DTL: variants seen among roughly 807,000 people sequenced by gnomAD.
The protein encoded by DTL is denticleless E3 ubiquitin protein ligase adapter.
A neutral mutation model predicts 87.0 loss-of-function variants in DTL; 46 were observed. That is an observed-to-expected ratio of 0.53 (90% confidence interval 0.42 to 0.68). The LOEUF (loss-of-function observed/expected upper bound fraction) is 0.68, where lower values mean the gene tolerates loss of function less well. Among genes scored for constraint, DTL ranks in the 30% least tolerant of loss-of-function variants. DTL has a pLI of 0.00. For missense variants in DTL, 737 were observed against 869.4 expected, an observed-to-expected ratio of 0.85 and a Z score of 1.91; for synonymous variants, 308 against 311.2, an observed-to-expected ratio of 0.99 and a Z score of 0.11.
chr1:212,035,971 A>G lies in DTL; in HGVS notation c.52+29A>G, dbSNP rs756804386. ...AGTAACGGTCCCAACCGCTGCTCGG[A>G]GCTGGCGGAATTCATTTCCCCCGAA... On this transcript the variant is annotated intron_variant, in intron 1 of 14. Coordinates refer to ENST00000366991, the MANE Select transcript of DTL (RefSeq NM_016448.4). 12 of 1,611,380 alleles carry G rather than the reference A, an allele frequency of 7.4e-6. No homozygotes were observed. The South Asian group carries it at 1.3e-4, about 18-fold the overall frequency.
intron 1 of DTL, among the ~76,000 whole-genome samples, chr1:212,039,937 A>G (rs564375569): frequency 2.0e-5 from 3 of 152,222 alleles, no homozygotes; most frequent in Admixed American, 6.5e-5. Context: ...AAGACCTGGG[A>G]CATTATACTA....
At chr1:212,057,280 C>T (rs1182727610) in intron 5 of DTL, among the ~76,000 whole-genome samples, 1 of 151,608 alleles carries the variant, frequency 6.6e-6, no homozygotes, top group Non-Finnish European at 1.5e-5. Flanking sequence ...AAAGAAACCC[C>T]ATCAGACCTA....
In DTL at chr1:212,080,650, C is replaced by A. The variant is rs369646477; in HGVS notation, c.1161C>A (p.Ile387=). ...ATCSDDNTLK[I]WRLNRGLEEK... ...GTTCTGATGACAATACACTAAAAAT[C>A]TGGCGCTTGAATAGAGGCTTAGAGG... Residue 387 remains isoleucine, a synonymous_variant, in exon 13 of 15, where the codon ATC becomes ATA. Transcript: ENST00000366991. 6.2e-7 allele frequency: 1 copy of A among 1,613,540 alleles called. No individual in the cohort carries two copies. Among genetic ancestry groups the A allele is most frequent in the Non-Finnish European group, 8.5e-7 (1 of 1,179,590 alleles).
intron 10 of DTL, among the ~76,000 whole-genome samples, chr1:212,070,780 A>G (rs1654648553): frequency 6.6e-6 from 1 of 152,206 alleles, no homozygotes; most frequent in South Asian, 2.1e-4. Flanking sequence ...AAGTACTTGA[A>G]AAGCCCAGAT....
intron 13 of DTL, among the ~76,000 whole-genome samples, chr1:212,093,272 A>G (rs1655340210): frequency 6.6e-6 from 1 of 152,132 alleles, no homozygotes; most frequent in African/African-American, 2.4e-5. Flanking sequence ...GTGAATGTTT[A>G]TAGCTCCTGA....
At chr1:212,075,754 T>C (rs191822508) in intron 11 of DTL, among the ~76,000 whole-genome samples, 3 of 152,278 alleles carry the variant, frequency 2.0e-5, no homozygotes, top group Admixed American at 1.3e-4. Flanking sequence ...TTTTAGTCAT[T>C]TTAAAGTTTA....
chr1:212,094,458 A>G (rs575995474), intron 13 of DTL, among the ~76,000 whole-genome samples: 1 of 152,294 alleles, frequency 6.6e-6, no homozygotes, highest in South Asian at 2.1e-4. Flanking sequence ...GCATTGGTCT[A>G]TGTGCCTATT....
chr1:212,102,284 AT>A (rs796507909), intron 14 of DTL, among the ~76,000 whole-genome samples: 2 of 149,548 alleles, frequency 1.3e-5, no homozygotes, highest in African/African-American at 2.5e-5. Context: ...CAAAATTTCT[AT>A]TTTTTTTTTC....
chr1:212,053,924 G>A (rs1031566873), intron 5 of DTL, among the ~76,000 whole-genome samples: 9 of 152,006 alleles, frequency 5.9e-5, no homozygotes, highest in Non-Finnish European at 4.4e-5. Context: ...AGAATTATTC[G>A]TTTTCCTGGC....
intron 10 of DTL, among the ~76,000 whole-genome samples, chr1:212,069,703 G>T (rs1654615778): frequency 6.6e-6 from 1 of 152,004 alleles, no homozygotes; most frequent in Non-Finnish European, 1.5e-5. Flanking sequence ...CCGCCACCAT[G>T]CCTGGCTAAT....
intron 13 of DTL, among the ~76,000 whole-genome samples, chr1:212,082,135 G>A (rs1214090706): frequency 6.6e-6 from 1 of 152,192 alleles, no homozygotes; most frequent in African/African-American, 2.4e-5. Context: ...TGGAAGCCAA[G>A]TAAATAAGAG....
At chr1:212,059,854 CA>C (rs1000077903) in intron 5 of DTL, among the ~76,000 whole-genome samples, 30 of 124,908 alleles carry the variant, frequency 2.4e-4, no homozygotes, top group African/African-American at 3.5e-4. Flanking sequence ...AATCAACATA[CA>C]AAAAAAATAG....
At position 212,068,519 on chromosome 1, in the gene DTL, A is replaced by G. The variant is rs1030609767; in HGVS notation, c.818-80A>G. Reference sequence around the variant, plus strand: ...TTCTGATGATGATTCTTATGAAATGATCTATTTTTGTCTCTACATTTTAAC... The same window carrying G: ...TTCTGATGATGATTCTTATGAAATGGTCTATTTTTGTCTCTACATTTTAAC... On this transcript the variant is annotated intron_variant, in intron 9 of 14. Transcript: ENST00000366991. 1.9e-5 allele frequency: 18 copies of G among 947,522 alleles called. No individual in the cohort carries two copies. In the African/African-American group the frequency reaches 2.1e-4, roughly 11 times the overall value. The allele number at this position is 947,522 out of a possible 1,614,324, so 58.7% of individuals were successfully genotyped here. A position where few individuals can be genotyped will look rare whatever the true frequency, so the allele number is the denominator to read the frequency against.
intron 13 of DTL, among the ~76,000 whole-genome samples, chr1:212,095,585 C>T (rs906457605): frequency 6.6e-6 from 1 of 152,190 alleles, no homozygotes; most frequent in Non-Finnish European, 1.5e-5. Flanking sequence ...ATCTGCCCTC[C>T]TCGGCCTCCC....
chr1:212,065,544 A>G (rs1249151787), intron 7 of DTL, among the ~76,000 whole-genome samples: 1 of 152,094 alleles, frequency 6.6e-6, no homozygotes, highest in Non-Finnish European at 1.5e-5. Context: ...ATCTCTCTAC[A>G]CACACAGACA....
chr1:212,082,213 A>G (rs924949287), intron 13 of DTL, among the ~76,000 whole-genome samples: 15 of 152,148 alleles, frequency 9.9e-5, no homozygotes, highest in African/African-American at 3.6e-4. Flanking sequence ...AAACTGACCA[A>G]TGGATTAGGC....
At chr1:212,053,728 G>A (rs1282389779) in intron 5 of DTL, among the ~76,000 whole-genome samples, 1 of 152,014 alleles carries the variant, frequency 6.6e-6, no homozygotes, top group Non-Finnish European at 1.5e-5. Flanking sequence ...TGAGGCTATA[G>A]GTGCATGCCA....
chr1:212,100,746 T>A lies in DTL; in HGVS notation c.1756T>A (p.Leu586Met), dbSNP rs745351321. The A allele has an allele frequency of 3.1e-6, 5 of 1,614,084 alleles. No individual in the cohort carries two copies. Among genetic ancestry groups the A allele is most frequent in the Non-Finnish European group, 4.2e-6 (5 of 1,180,024 alleles). Residue 586 changes from leucine (L) to methionine (M), a missense_variant, in exon 14 of 15, where the codon TTG (leucine) becomes ATG (methionine). Physicochemically the swap from Leu to Met is conservative, Grantham distance 15. Transcript: ENST00000366991. ...TGATGGCCAAGTTGAAAATCTTCAT[T>A]TGGATCTGTGCTGCCTTGCTGGTAA... ...ELDGQVENLH[L>M]DLCCLAGNQE... is the part of the protein sequence containing the mutation.
chr1:212,049,444 A>G (rs551537328), intron 5 of DTL, among the ~76,000 whole-genome samples: 20 of 152,352 alleles, frequency 1.3e-4, no homozygotes, highest in African/African-American at 4.8e-4. Flanking sequence ...TTACCTAACT[A>G]AAGAGTAGTG....
Sources: allele counts gnomAD v4.1 joint callset (sites outside exome capture counted in the v4.1 genomes callset), GRCh38; gene constraint gnomAD v4.1.1; transcripts MANE v1.5; gene names NCBI Gene and HGNC (gene_info 2026-07-23, HGNC 2026-07-21).